TFDP2: variants seen among roughly 807,000 people sequenced by gnomAD.
TFDP2 encodes the protein transcription factor Dp-2 (E2F dimerization partner 2).
In TFDP2, 17 loss-of-function variants were observed where a neutral mutation model predicts 59.3. The observed-to-expected ratio is 0.29, with a 90% CI of 0.20 to 0.43. TFDP2 has a LOEUF of 0.43. TFDP2 is among the 20% of genes least tolerant of loss of function. The pLI, the probability that TFDP2 is intolerant of heterozygous loss-of-function variation, is 1.00. For missense variants in TFDP2, 391 were observed against 528.8 expected, an observed-to-expected ratio of 0.74 and a Z score of 2.56; for synonymous variants, 180 against 194.7, an observed-to-expected ratio of 0.92 and a Z score of 0.63.
chr3:142,030,741 C>CT (rs56836983), intron 3 of TFDP2, among the ~76,000 whole-genome samples: 87,856 of 121,766 alleles, frequency 0.72, 32,311 homozygotes, highest in South Asian at 0.77. Flanking sequence ...CCCGTGTTCT[C>CT]TTTTTTTTTT....
chr3:142,143,127 T>C (rs1403669008), intron 1 of TFDP2, among the ~76,000 whole-genome samples: 1 of 152,134 alleles, frequency 6.6e-6, no homozygotes, highest in East Asian at 1.9e-4. Flanking sequence ...TCCCAGCTAC[T>C]TGGGTGGCTG....
At chr3:142,034,483 A>G (rs1946589592) in intron 3 of TFDP2, among the ~76,000 whole-genome samples, 1 of 152,176 alleles carries the variant, frequency 6.6e-6, no homozygotes, top group African/African-American at 2.4e-5. Flanking sequence ...TAGAGAGAGA[A>G]AAATAAACAA....
chr3:142,094,124 G>A (rs576463303), intron 2 of TFDP2, among the ~76,000 whole-genome samples: 19 of 151,592 alleles, frequency 1.3e-4, no homozygotes, highest in African/African-American at 4.6e-4. Context: ...AAGCCTGGAG[G>A]AAAAAAAACC....
rs2063306447 is a variant in TFDP2, at chr3:142,149,433, GC to G, written c.-344del. 1 of 381,920 alleles carries G rather than the reference GC, an allele frequency of 2.6e-6. No individual in the cohort carries two copies. The highest frequency in any genetic ancestry group is 4.6e-6 in the Non-Finnish European group (1 of 215,732). 23.7% of individuals were successfully genotyped at this position (381,920 alleles called of 1,614,324 possible). ...CAGGGCGCGCCCCGCGGGCCGGGCAGCTGCGGCAGCGCCGCAGCCGAGATCG... is the reference window on the plus strand; with the variant it reads ...CAGGGCGCGCCCCGCGGGCCGGGCAGTGCGGCAGCGCCGCAGCCGAGATCG... On this transcript the variant is annotated 5_prime_UTR_variant, in exon 1 of 13. Transcript: ENST00000489671.
intron 1 of TFDP2, among the ~76,000 whole-genome samples, chr3:142,134,189 G>T (rs1220766839): frequency 6.6e-6 from 1 of 151,810 alleles, no homozygotes; most frequent in East Asian, 1.9e-4. Context: ...CGAAGGCAGA[G>T]GTGGGCGAAA....
chr3:142,123,564 G>T (rs116279905), intron 1 of TFDP2, among the ~76,000 whole-genome samples: 6,245 of 152,150 alleles, frequency 0.041, 416 homozygotes, highest in African/African-American at 0.14. Context: ...AACTGCACCC[G>T]GCCCATTTAT....
intron 11 of TFDP2, among the ~76,000 whole-genome samples, chr3:141,959,128 A>AT (rs1225749487): frequency 1.3e-5 from 2 of 151,122 alleles, no homozygotes; most frequent in South Asian, 2.1e-4. Context: ...AATTTTTTGT[A>AT]TTTTTTTAGT....
At chr3:142,094,091 C>T (rs1181321298) in intron 2 of TFDP2, 1 of 205,452 alleles carries the variant, frequency 4.9e-6, no homozygotes, top group African/African-American at 2.3e-5. Flanking sequence ...TATCATCAAA[C>T]AGAATATCAG....
At chr3:141,974,945 G>A (rs528298199) in intron 7 of TFDP2, among the ~76,000 whole-genome samples, 13 of 116,906 alleles carry the variant, frequency 1.1e-4, no homozygotes, top group Admixed American at 3.7e-4. Flanking sequence ...ACAGTGTCTC[G>A]CTCTCTCGCC....
chr3:142,148,183 CAG>C (rs1255712671), intron 1 of TFDP2, among the ~76,000 whole-genome samples: 4 of 149,126 alleles, frequency 2.7e-5, no homozygotes, highest in South Asian at 2.1e-4. Context: ...CTCGGGGAGA[CAG>C]GGGAAGGAGA....
chr3:142,052,855 G>T (rs1478509387), intron 3 of TFDP2, among the ~76,000 whole-genome samples: 1 of 151,862 alleles, frequency 6.6e-6, no homozygotes, highest in African/African-American at 2.4e-5. Context: ...TGTCGCCCAG[G>T]CTGGAGTGCA....
At chr3:142,148,893 C>A (rs2063277074) in intron 1 of TFDP2, among the ~76,000 whole-genome samples, 1 of 152,218 alleles carries the variant, frequency 6.6e-6, no homozygotes. Context: ...TTGAAGAGAA[C>A]GAGAAAGTAG....
At chr3:142,116,151 A>G (rs150075484) in intron 1 of TFDP2, among the ~76,000 whole-genome samples, 6,577 of 151,962 alleles carry the variant, frequency 0.043, 475 homozygotes, top group African/African-American at 0.15. Flanking sequence ...TGCAACTTCA[A>G]ACTCCTGGGC....
At position 141,945,355 on chromosome 3, in the gene TFDP2, C is replaced by T. The variant is rs1053482135; in HGVS notation, c.*7158G>A. On this transcript the variant is annotated 3_prime_UTR_variant, in exon 13 of 13. Coordinates refer to ENST00000489671, the MANE Select transcript of TFDP2 (RefSeq NM_001178139.2). ...TGTTGGTCAGGCTGGTTTCGAACTC[C>T]CGACCTCAGGTGATCCGCCCGCCTC... 6.6e-6 allele frequency: 1 copy of T among 152,348 alleles called. No homozygotes were observed. Among genetic ancestry groups the T allele is most frequent in the Non-Finnish European group, 1.5e-5 (1 of 68,150 alleles). 9.4% of individuals were successfully genotyped at this position (152,348 alleles called of 1,614,324 possible). A position where few individuals can be genotyped will look rare whatever the true frequency, so the allele number is the denominator to read the frequency against.
intron 1 of TFDP2, among the ~76,000 whole-genome samples, chr3:142,133,018 A>C (rs1349421213): frequency 6.7e-6 from 1 of 149,914 alleles, no homozygotes; most frequent in Non-Finnish European, 1.5e-5. Context: ...ATGAAAAAAC[A>C]AACATGTAAG....
intron 6 of TFDP2, among the ~76,000 whole-genome samples, chr3:141,992,022 A>G (rs1942827551): frequency 6.7e-6 from 1 of 149,568 alleles, no homozygotes; most frequent in Non-Finnish European, 1.5e-5. Flanking sequence ...AGCTTGGGAG[A>G]CAGAGGAAGA....
intron 3 of TFDP2, among the ~76,000 whole-genome samples, chr3:142,016,719 A>C (rs1365076107): frequency 6.6e-6 from 1 of 152,228 alleles, no homozygotes; most frequent in Non-Finnish European, 1.5e-5. Flanking sequence ...TTGCTACTAG[A>C]AAATTTGCAA....
chr3:142,023,243 GGCGT>G (rs1945797344), intron 3 of TFDP2, among the ~76,000 whole-genome samples: 1 of 151,700 alleles, frequency 6.6e-6, no homozygotes, highest in Non-Finnish European at 1.5e-5. Context: ...GGAGTGCAGT[GGCGT>G]GATCTCAGCT....
At chr3:142,017,098 G>A (rs1381817889) in intron 3 of TFDP2, among the ~76,000 whole-genome samples, 1 of 152,100 alleles carries the variant, frequency 6.6e-6, no homozygotes, top group African/African-American at 2.4e-5. Context: ...CTGCTAAGTT[G>A]ACACGGCAGC....
Sources: gnomAD v4.1 joint callset for allele counts (sites outside exome capture counted in the v4.1 genomes callset) on GRCh38, gnomAD v4.1.1 for gene constraint, MANE v1.5 for transcripts, NCBI Gene and HGNC (gene_info 2026-07-23, HGNC 2026-07-21) for gene names.